The following GAD1 variants were observed in gnomAD, a reference collection of about 807,000 sequenced individuals.
GAD1 encodes the protein 67 kDa glutamic acid decarboxylase.
A neutral mutation model predicts 75.2 loss-of-function variants in GAD1; 35 were observed. The observed-to-expected ratio is 0.47, with a 90% confidence interval of 0.36 to 0.62. The LOEUF is 0.62. Among genes scored for constraint, GAD1 ranks in the 20% least tolerant of loss-of-function variants. The probability of loss-of-function intolerance (pLI) is 0.00; values close to 1 mark genes in which losing one functional copy is unlikely to be tolerated. For synonymous variants in GAD1, 257 were observed against 271.9 expected, an observed-to-expected ratio of 0.95 and a Z score of 0.54; for missense variants, 490 against 758.5, an observed-to-expected ratio of 0.65 and a Z score of 4.16.
chr2:170,853,025 C>A lies in GAD1; in HGVS notation c.1263+233C>A. On this transcript the variant is annotated intron_variant, in intron 13 of 16. Coordinates refer to ENST00000358196, the MANE Select transcript of GAD1 (RefSeq NM_000817.3). The surrounding 1 kb of genome is among the most constrained non-coding windows in gnomAD (Gnocchi z 4.1). ...ATCAGTACTCAGGGTCTGTCAGCAA[C>A]TGAACCTTTAAGGAAATTATTTAAT... is the stretch of plus-strand genomic sequence containing the variant. 1 of 588,370 alleles carries A rather than the reference C, an allele frequency of 1.7e-6. No homozygotes were observed. The highest frequency in any genetic ancestry group is 3.0e-6 in the Non-Finnish European group (1 of 329,970). 36.4% of individuals were successfully genotyped at this position (588,370 alleles called of 1,614,324 possible). A position where few individuals can be genotyped will look rare whatever the true frequency, so the allele number is the denominator to read the frequency against.
chr2:170,847,826 G>A, intron 11 of GAD1, 34 bp downstream of exon 11: 1 of 1,415,832 alleles, frequency 7.1e-7, no homozygotes, highest in Non-Finnish European at 1.0e-6. Context: ...AGTCCATGTG[G>A]GGGGTGGAGG....
At chr2:170,828,849 C>G (rs1702136741) in intron 3 of GAD1, 2 of 205,064 alleles carry the variant, frequency 9.8e-6, no homozygotes, top group African/African-American at 2.5e-5. Flanking sequence ...CTCTGCTGTC[C>G]TCGCCTTCCT....
chr2:170,826,456 T>G, intron 3 of GAD1, among the ~76,000 whole-genome samples: 1 of 151,286 alleles, frequency 6.6e-6, no homozygotes. Flanking sequence ...TAATCCCAAC[T>G]ACTTGGGAGG....
rs1464205934 is a variant in GAD1, at chr2:170,860,079, C to T, written c.*197C>T. The T allele has an allele frequency of 6.5e-6, 4 of 611,118 alleles. No homozygotes were observed. The highest frequency in any genetic ancestry group is 1.2e-5 in the Non-Finnish European group (4 of 342,984). The allele number at this position is 611,118 out of a possible 1,614,324, so 37.9% of individuals were successfully genotyped here. A position where few individuals can be genotyped will look rare whatever the true frequency, so the allele number is the denominator to read the frequency against. ...ATAGTGTTCTTTTTAAAAAGTTGCA[C>T]ATTAGGAACAGAGTATATATGTACA... On this transcript the variant is annotated 3_prime_UTR_variant, in exon 17 of 17. Coordinates refer to ENST00000358196, the MANE Select transcript of GAD1 (RefSeq NM_000817.3).
At chr2:170,815,285 C>T (rs1162190487), upstream of GAD1, among the ~76,000 whole-genome samples, 1 of 152,132 alleles carries the variant, frequency 6.6e-6, no homozygotes, top group African/African-American at 2.4e-5. Flanking sequence ...AGTCACCGCG[C>T]GCCCCGCCGT....
In GAD1 at chr2:170,818,386, C is replaced by T. The variant is rs1001861763; in HGVS notation, c.-63-143C>T. On this transcript the variant is annotated intron_variant, in intron 1 of 16. Coordinates refer to ENST00000358196, the MANE Select transcript of GAD1 (RefSeq NM_000817.3). The surrounding 1 kb of genome is among the most constrained non-coding windows in gnomAD (Gnocchi z 5.9). ...TGCCCCCACCCCTGCGCACCCCTAC[C>T]AGGCAGGCTCGCTGCCTTTCCTCCC... The T allele has an allele frequency of 4.9e-6, 3 of 614,426 alleles. No individual in the cohort carries two copies. The highest frequency in any genetic ancestry group is 1.9e-5 in the South Asian group (1 of 53,076). 38.1% of individuals were successfully genotyped at this position (614,426 alleles called of 1,614,324 possible). A position where few individuals can be genotyped will look rare whatever the true frequency, so the allele number is the denominator to read the frequency against.
chr2:170,835,358 T>C (rs568943600), intron 5 of GAD1, among the ~76,000 whole-genome samples: 2 of 152,318 alleles, frequency 1.3e-5, no homozygotes, highest in South Asian at 2.1e-4. Context: ...CTTTAAAAAA[T>C]AATTCTTTCC....
At chr2:170,845,919 T>G (rs1453951323) in intron 9 of GAD1, 90 bp from the exon 10 acceptor site, 13 of 1,470,584 alleles carry the variant, frequency 8.8e-6, no homozygotes, top group African/African-American at 2.8e-5. Flanking sequence ...AATATCCGAT[T>G]AAATTGCTTT....
upstream of GAD1, among the ~76,000 whole-genome samples, chr2:170,814,522 G>T (rs1407299988): frequency 2.0e-5 from 3 of 152,256 alleles, no homozygotes; most frequent in Middle Eastern, 6.8e-3. Context: ...TTCTAAGTGC[G>T]CTCCTCTCCC....
At chr2:170,817,313 T>C (rs1457488501) in intron 1 of GAD1, 1 of 149,732 alleles carries the variant, frequency 6.7e-6, no homozygotes. Flanking sequence ...GAGGCTCTAG[T>C]TGAAGTGGGG....
At chr2:170,826,713 AG>A (rs1702033978) in intron 3 of GAD1, among the ~76,000 whole-genome samples, 1 of 152,198 alleles carries the variant, frequency 6.6e-6, no homozygotes, top group Admixed American at 6.5e-5. Flanking sequence ...GGGGAGACTC[AG>A]GGAGTGAGTC....
intron 6 of GAD1, 161 bp from the exon 7 acceptor site, chr2:170,843,884 T>C: frequency 1.6e-6 from 1 of 629,276 alleles, no homozygotes; most frequent in Non-Finnish European, 2.9e-6. Flanking sequence ...CATTTTATGA[T>C]CGGCGACTTA....
At chr2:170,857,900 T>C (rs1228790400) in intron 15 of GAD1, among the ~76,000 whole-genome samples, 1 of 152,086 alleles carries the variant, frequency 6.6e-6, no homozygotes, top group Non-Finnish European at 1.5e-5. Flanking sequence ...AGCTTACACT[T>C]GAATAAAGAA....
chr2:170,847,795 A>G lies in GAD1; in HGVS notation c.1119+3A>G. On this transcript the variant is annotated splice_donor_region_variant and intron_variant, in intron 11 of 16. Coordinates refer to ENST00000358196, the MANE Select transcript of GAD1 (RefSeq NM_000817.3). ...ATAACCTTTGGTTGCATGTCGATGTAAGTGCTATATAACTCAGGCCAGTCC... is the reference window on the plus strand; with the variant it reads ...ATAACCTTTGGTTGCATGTCGATGTGAGTGCTATATAACTCAGGCCAGTCC... The G allele has an allele frequency of 6.3e-7, 1 of 1,595,220 alleles. No homozygotes were observed. The highest frequency in any genetic ancestry group is 8.6e-7 in the Non-Finnish European group (1 of 1,162,712).
chr2:170,855,271 C>T (rs116027735), intron 14 of GAD1, among the ~76,000 whole-genome samples: 3,201 of 149,298 alleles, frequency 0.021, 127 homozygotes, highest in Admixed American at 0.1. Flanking sequence ...TTCAGAGGCG[C>T]GATCTCTGCT....
chr2:170,818,290 A>C lies in GAD1; in HGVS notation c.-63-239A>C, dbSNP rs925291564. On this transcript the variant is annotated intron_variant, in intron 1 of 16. Coordinates refer to ENST00000358196, the MANE Select transcript of GAD1 (RefSeq NM_000817.3). The surrounding 1 kb of genome is among the most constrained non-coding windows in gnomAD (Gnocchi z 5.9). ...CTCCAGGTCGCGCCGATGCACCGCC[A>C]GACTCGAGAGCGGCCCAGGGCTACG... The C allele has an allele frequency of 3.3e-5, 7 of 212,554 alleles. No homozygotes were observed. The highest frequency in any genetic ancestry group is 6.7e-5 in the Admixed American group (1 of 14,968). The allele number at this position is 212,554 out of a possible 1,614,324, so 13.2% of individuals were successfully genotyped here. A position where few individuals can be genotyped will look rare whatever the true frequency, so the allele number is the denominator to read the frequency against.
At chr2:170,835,648 G>A (rs1702352464) in intron 5 of GAD1, among the ~76,000 whole-genome samples, 1 of 152,148 alleles carries the variant, frequency 6.6e-6, no homozygotes, top group South Asian at 2.1e-4. Context: ...CTGCCAAGCT[G>A]TATGGTTTTG....
chr2:170,828,059 CT>C (rs1702066781), intron 3 of GAD1, among the ~76,000 whole-genome samples: 2 of 29,632 alleles, frequency 6.7e-5, no homozygotes, highest in African/African-American at 4.3e-4. Flanking sequence ...ACCCCTCCTC[CT>C]TCTGCTGTCC....
chr2:170,821,920 T>G, intron 2 of GAD1, 167 bp from the exon 3 acceptor site: 2 of 671,722 alleles, frequency 3.0e-6, no homozygotes, highest in Non-Finnish European at 5.4e-6. Flanking sequence ...TTAGAGTATA[T>G]GCCTGTCGGC....
Sources: allele counts gnomAD v4.1 joint callset (sites outside exome capture counted in the v4.1 genomes callset), GRCh38; gene constraint gnomAD v4.1.1; non-coding constraint Gnocchi (gnomAD v3.1); transcripts MANE v1.5; gene names NCBI Gene and HGNC (gene_info 2026-07-23, HGNC 2026-07-21).